The following ENOX2 variants were observed in gnomAD, a reference collection of about 807,000 sequenced individuals.
ENOX2 encodes the protein ecto-NOX disulfide-thiol exchanger 2, also known as APK1 antigen.
In ENOX2, 36 loss-of-function variants were observed where a neutral mutation model predicts 45.0. The observed-to-expected ratio is 0.80, with a 90% CI of 0.61 to 1.06. The LOEUF (loss-of-function observed/expected upper bound fraction) is 1.06. ENOX2 is among the 50% of genes least tolerant of loss of function. ENOX2 has a pLI of 0.00. For missense variants in ENOX2, 423 were observed against 462.5 expected (o/e 0.91, Z 0.78); for synonymous variants, 174 against 152.3 (o/e 1.14, Z -1.05).
intron 3 of ENOX2, among the ~76,000 whole-genome samples, chrX:130,753,829 G>A (rs2039285549): frequency 9.0e-6 from 1 of 111,251 alleles, no homozygotes; most frequent in Non-Finnish European, 1.9e-5. Flanking sequence ...TGGTGGTGCA[G>A]GCAACTCTTT....
intron 3 of ENOX2, among the ~76,000 whole-genome samples, chrX:130,720,285 G>A (rs1413259332): frequency 2.7e-5 from 3 of 112,155 alleles, no homozygotes; most frequent in Non-Finnish European, 5.6e-5. Flanking sequence ...GATATTGATG[G>A]GCTTTTCTGA....
intron 3 of ENOX2, among the ~76,000 whole-genome samples, chrX:130,726,712 T>C (rs1313886187): frequency 8.9e-6 from 1 of 112,601 alleles, no homozygotes; most frequent in Admixed American, 9.4e-5. Context: ...CTCTTGCTAA[T>C]GACTGGAAGT....
At chrX:130,628,803 C>T (rs373749071) in intron 13 of ENOX2, among the ~76,000 whole-genome samples, 1 of 111,829 alleles carries the variant, frequency 8.9e-6, no homozygotes, top group East Asian at 2.8e-4. Flanking sequence ...ATGCTGCCTT[C>T]ATTGTTCTGG....
intron 2 of ENOX2, among the ~76,000 whole-genome samples, chrX:130,814,299 G>C (rs2077442781): frequency 8.9e-6 from 1 of 112,185 alleles, no homozygotes; most frequent in South Asian, 3.7e-4. Flanking sequence ...CTGCAGGAAG[G>C]GGCAGCTATG....
At chrX:130,849,316 A>G (rs2148515041) in intron 2 of ENOX2, among the ~76,000 whole-genome samples, 1 of 112,551 alleles carries the variant, frequency 8.9e-6, no homozygotes, top group Admixed American at 9.4e-5. Context: ...TTTCACACTC[A>G]GTCCATCCCA....
At chrX:130,825,460 C>G (rs758632060) in intron 2 of ENOX2, among the ~76,000 whole-genome samples, 2 of 111,174 alleles carry the variant, frequency 1.8e-5, no homozygotes, top group African/African-American at 3.3e-5. Flanking sequence ...TATCTGTATT[C>G]TTAAGTGGCT....
chrX:130,797,747 TC>T (rs2077156105), intron 2 of ENOX2, among the ~76,000 whole-genome samples: 1 of 111,662 alleles, frequency 9.0e-6, no homozygotes, highest in Non-Finnish European at 1.9e-5. Context: ...TACTTAAAGG[TC>T]CTTTCTTTGG....
intron 2 of ENOX2, among the ~76,000 whole-genome samples, chrX:130,829,159 A>C (rs1317282799): frequency 9.0e-6 from 1 of 111,340 alleles, no homozygotes; most frequent in African/African-American, 3.3e-5. Context: ...GAGAATAAGA[A>C]GCAATAAGAA....
intron 3 of ENOX2, among the ~76,000 whole-genome samples, chrX:130,774,211 A>ATTC (rs1479991276): frequency 8.9e-6 from 1 of 112,265 alleles, no homozygotes; most frequent in Non-Finnish European, 1.9e-5. Context: ...GCCTAGGTAC[A>ATTC]TGTATAATAG....
At chrX:130,694,043 A>G (rs2037687118) in intron 4 of ENOX2, among the ~76,000 whole-genome samples, 1 of 111,819 alleles carries the variant, frequency 8.9e-6, no homozygotes, top group Non-Finnish European at 1.9e-5. Flanking sequence ...TCAGCCTGCC[A>G]CAACTGAGGT....
At chrX:130,656,755 T>A (rs2036557056) in intron 9 of ENOX2, 60 bp from the exon 10 acceptor site, 1 of 674,008 alleles carries the variant, frequency 1.5e-6, no homozygotes, top group South Asian at 2.4e-5. Flanking sequence ...AGGAAATGAA[T>A]GGAGTTAAGG....
chrX:130,645,996 G>A (rs931700999), intron 10 of ENOX2: 6 of 608,901 alleles, frequency 9.9e-6, no homozygotes, highest in Middle Eastern at 3.1e-4. Flanking sequence ...ACTCAGCTAC[G>A]TTTGTGAGAG....
chrX:130,857,309 G>A (rs985395708), intron 2 of ENOX2, among the ~76,000 whole-genome samples: 3 of 112,314 alleles, frequency 2.7e-5, no homozygotes, highest in Non-Finnish European at 5.6e-5. Context: ...ATGCAGACTG[G>A]AGATTGACTG....
At chrX:130,700,378 T>C (rs1327626469) in intron 4 of ENOX2, among the ~76,000 whole-genome samples, 1 of 112,096 alleles carries the variant, frequency 8.9e-6, no homozygotes, top group Non-Finnish European at 1.9e-5. Flanking sequence ...CCCTGGAGCA[T>C]GGTGGCAGCA....
intron 2 of ENOX2, among the ~76,000 whole-genome samples, chrX:130,846,259 T>C (rs976171206): frequency 6.3e-5 from 7 of 111,192 alleles, no homozygotes; most frequent in African/African-American, 2.3e-4. Context: ...TTTAAGAAAA[T>C]CCACTGTTTC....
At chrX:130,767,094 T>C (rs749848572) in intron 3 of ENOX2, among the ~76,000 whole-genome samples, 24 of 111,718 alleles carry the variant, frequency 2.1e-4, no homozygotes, top group African/African-American at 7.5e-4. Flanking sequence ...TCTGTATTAG[T>C]TACTGGGTGG....
At chrX:130,670,800 T>G (rs2036968802) in intron 6 of ENOX2, among the ~76,000 whole-genome samples, 1 of 107,811 alleles carries the variant, frequency 9.3e-6, no homozygotes, top group African/African-American at 3.4e-5. Flanking sequence ...AAAAAAAAGA[T>G]GTAGTGTGAT....
chrX:130,831,100 T>G (rs1219481022), intron 2 of ENOX2, among the ~76,000 whole-genome samples: 2 of 110,900 alleles, frequency 1.8e-5, no homozygotes, highest in Non-Finnish European at 3.8e-5. Flanking sequence ...TATCTTTTTA[T>G]CAGAAGTCCA....
chrX:130,889,064 AT>A (rs1490572051), intron 2 of ENOX2, among the ~76,000 whole-genome samples: 11 of 112,063 alleles, frequency 9.8e-5, no homozygotes, highest in Admixed American at 8.5e-4. Context: ...GTTATGCTTT[AT>A]GAGGCTCCAA....
Sources: allele counts gnomAD v4.1 joint callset (sites outside exome capture counted in the v4.1 genomes callset), GRCh38; gene constraint gnomAD v4.1.1; transcripts MANE v1.5; gene names NCBI Gene and HGNC (gene_info 2026-07-23, HGNC 2026-07-21).